Variants in IQCJ observed in about 807,000 individuals in gnomAD.
IQCJ encodes the protein IQ domain-containing protein J.
A neutral mutation model predicts 11.0 loss-of-function variants in IQCJ; 9 were observed. That is an observed-to-expected ratio of 0.82 (90% confidence interval 0.49 to 1.43). The LOEUF is 1.43. Among genes scored for constraint, IQCJ ranks in the 40% most tolerant of loss-of-function variants. The pLI, the probability that IQCJ is intolerant of heterozygous loss-of-function variation, is 0.00. For synonymous variants in IQCJ, 55 were observed against 51.3 expected (o/e 1.07, Z -0.31); for missense variants, 146 against 133.2 (o/e 1.10, Z -0.47).
At chr3:159,129,666 A>G (rs2108158104) in intron 1 of IQCJ, among the ~76,000 whole-genome samples, 1 of 152,154 alleles carries the variant, frequency 6.6e-6, no homozygotes, top group Non-Finnish European at 1.5e-5. Flanking sequence ...TAAAAGAAAA[A>G]CCTCATAATA....
At chr3:159,169,025 A>G (rs1457648536) in intron 1 of IQCJ, among the ~76,000 whole-genome samples, 1 of 152,008 alleles carries the variant, frequency 6.6e-6, no homozygotes. Flanking sequence ...ATTTTAGCAC[A>G]TACTCTCTGA....
intron 1 of IQCJ, among the ~76,000 whole-genome samples, chr3:159,142,651 C>T (rs868460107): frequency 5.9e-5 from 9 of 152,182 alleles, no homozygotes; most frequent in Non-Finnish European, 8.8e-5. Flanking sequence ...CTCCTGACGT[C>T]AGGTGATCTA....
At chr3:159,206,274 G>GT (rs1560025228) in intron 1 of IQCJ, among the ~76,000 whole-genome samples, 35 of 151,566 alleles carry the variant, frequency 2.3e-4, no homozygotes, top group Non-Finnish European at 4.3e-4. Context: ...TTCCTTTTCC[G>GT]TTTTTTTCTA....
In IQCJ at chr3:159,215,104, G is replaced by A. The variant is rs1560028394; in HGVS notation, c.10-30739G>A. Reference sequence around the variant, plus strand: ...AGTGTAAATTTTACACTACTTGGGAGCCTTCACAAGGAAATGAAGACTCAA... The same window carrying A: ...AGTGTAAATTTTACACTACTTGGGAACCTTCACAAGGAAATGAAGACTCAA... On this transcript the variant is annotated intron_variant, in intron 1 of 3. Coordinates refer to ENST00000397832, the MANE Select transcript of IQCJ (RefSeq NM_001042706.3). Among the ~76,000 whole-genome samples the A allele has an allele frequency of 2.0e-5, 3 of 152,132 alleles. No individual in the cohort carries two copies. In the South Asian group the frequency reaches 6.2e-4, roughly 32 times the overall value.
chr3:159,118,326 A>G (rs1293514358), intron 1 of IQCJ, among the ~76,000 whole-genome samples: 1 of 152,178 alleles, frequency 6.6e-6, no homozygotes, highest in Non-Finnish European at 1.5e-5. Flanking sequence ...TGCTCCCAGC[A>G]GACTTCCCCT....
intron 1 of IQCJ, among the ~76,000 whole-genome samples, chr3:159,071,386 T>G (rs1355490629): frequency 6.6e-6 from 1 of 152,004 alleles, no homozygotes; most frequent in Non-Finnish European, 1.5e-5. Flanking sequence ...GAACCTAAGA[T>G]TGTGTCTTAT....
At chr3:159,154,993 T>C (rs1268179752) in intron 1 of IQCJ, among the ~76,000 whole-genome samples, 1 of 151,978 alleles carries the variant, frequency 6.6e-6, no homozygotes, top group Non-Finnish European at 1.5e-5. Flanking sequence ...CTCTCCATCC[T>C]TCGCCATCCC....
rs191936332 is a variant in IQCJ at position 159,237,322 on chromosome 3, G to A, written c.10-8521G>A. Among the ~76,000 whole-genome samples, 72 of 152,296 alleles carry A rather than the reference G, an allele frequency of 4.7e-4. No individual in the cohort carries two copies. The East Asian group carries it at 0.011, about 23-fold the overall frequency. The stretch of plus-strand genomic sequence containing the variant: ...AAACCAGAACAGTGTTTTATTATTG[G>A]GCAGGTCAAGGAGCTGACTAAGCAG... On this transcript the variant is annotated intron_variant, in intron 1 of 3. Transcript: ENST00000397832.
In IQCJ at chr3:159,143,515, C is replaced by G. The variant is rs140945038; in HGVS notation, c.9+74074C>G. The stretch of plus-strand genomic sequence containing the variant: ...CTCTTCACCACAAAAGCTCCATGGA[C>G]GCTGTATTATTCTCCTGTTGCCTTA... On this transcript the variant is annotated intron_variant, in intron 1 of 3. Transcript: ENST00000397832. 3.5e-4 allele frequency among the ~76,000 whole-genome samples: 54 copies of G among 152,268 alleles called. No homozygotes were observed. The South Asian group carries it at 6.4e-3, about 18-fold the overall frequency.
chr3:159,088,905 T>C (rs550354239), intron 1 of IQCJ, among the ~76,000 whole-genome samples: 1 of 152,296 alleles, frequency 6.6e-6, no homozygotes, highest in Admixed American at 6.5e-5. Context: ...AATTGGAGCA[T>C]TTAGTCCACT....
chr3:159,157,485 A>C (rs577394028), intron 1 of IQCJ, among the ~76,000 whole-genome samples: 2 of 152,344 alleles, frequency 1.3e-5, no homozygotes, highest in East Asian at 3.9e-4. Context: ...TGGATAAGCA[A>C]ACATTTATAT....
intron 1 of IQCJ, among the ~76,000 whole-genome samples, chr3:159,201,511 C>CTCTG (rs1435982504): frequency 3.2e-4 from 48 of 149,182 alleles, no homozygotes; most frequent in East Asian, 9.9e-4. Flanking sequence ...TTGTGTATCT[C>CTCTG]TGTGTGTGTG....
intron 1 of IQCJ, among the ~76,000 whole-genome samples, chr3:159,144,047 G>T (rs138830828): frequency 6.3e-4 from 96 of 152,196 alleles, no homozygotes; most frequent in African/African-American, 2.0e-3. Context: ...GATTCATGAG[G>T]GTGCAGCCCT....
At chr3:159,198,084 C>T (rs867049955) in intron 1 of IQCJ, among the ~76,000 whole-genome samples, 2 of 152,110 alleles carry the variant, frequency 1.3e-5, no homozygotes, top group African/African-American at 4.8e-5. Flanking sequence ...AAAAGTAGGT[C>T]GTAATGAAAA....
At chr3:159,247,393 C>T (rs1727335177) in intron 2 of IQCJ, among the ~76,000 whole-genome samples, 1 of 152,184 alleles carries the variant, frequency 6.6e-6, no homozygotes, top group Non-Finnish European at 1.5e-5. Context: ...CCGCGCCGGT[C>T]TATTTACTCA....
At position 159,113,906 on chromosome 3, in the gene IQCJ, G is replaced by A. The variant is rs553038817; in HGVS notation, c.9+44465G>A. Among the ~76,000 whole-genome samples the A allele has an allele frequency of 8.1e-4, 124 of 152,248 alleles. 2 individuals carry two copies. In the South Asian group the frequency reaches 0.017, roughly 21 times the overall value. ...ATTGAAAAATGAGGAGGCAGTGATCGTTTAAGAACAGATGCAAATATTCGA... is the reference window on the plus strand; with the variant it reads ...ATTGAAAAATGAGGAGGCAGTGATCATTTAAGAACAGATGCAAATATTCGA... On this transcript the variant is annotated intron_variant, in intron 1 of 3. Transcript: ENST00000397832.
At chr3:159,265,329 G>A, downstream of IQCJ, 1 of 1,613,850 alleles carries the variant, frequency 6.2e-7, no homozygotes, top group Admixed American at 1.7e-5. Flanking sequence ...TGACCAGCTT[G>A]CCAGACCCAC....
chr3:159,190,978 A>G (rs1723654030), intron 1 of IQCJ, among the ~76,000 whole-genome samples: 1 of 152,194 alleles, frequency 6.6e-6, no homozygotes. Flanking sequence ...ATTTTTAGTC[A>G]TATTTCAGTC....
intron 1 of IQCJ, among the ~76,000 whole-genome samples, chr3:159,083,931 C>T (rs540494263): frequency 6.6e-6 from 1 of 152,078 alleles, no homozygotes; most frequent in African/African-American, 2.4e-5. Flanking sequence ...GGCGGGTGGG[C>T]CGTAAAAGGG....
Sources: allele counts gnomAD v4.1 joint callset (sites outside exome capture counted in the v4.1 genomes callset), GRCh38; gene constraint gnomAD v4.1.1; transcripts MANE v1.5; gene names NCBI Gene and HGNC (gene_info 2026-07-23, HGNC 2026-07-21).